Variants in ZNF475 observed in about 807,000 individuals in gnomAD.
ZNF475 encodes the protein zinc finger protein 475.
the ZNF475 span, among the ~76,000 whole-genome samples, chr5:122,168,583 G>A: frequency 3.9e-5 from 6 of 152,286 alleles, no homozygotes; most frequent in South Asian, 6.2e-4. Context: ...CATGGCGGCC[G>A]GCGCCTGTAG....
the ZNF475 span, among the ~76,000 whole-genome samples, chr5:122,165,846 A>G: frequency 6.6e-6 from 1 of 152,132 alleles, no homozygotes; most frequent in African/African-American, 2.4e-5. Flanking sequence ...TGGGAGAAGG[A>G]CACAGGCGTT....
At chr5:122,174,528 T>G in the ZNF475 span, among the ~76,000 whole-genome samples, 1 of 152,224 alleles carries the variant, frequency 6.6e-6, no homozygotes, top group Non-Finnish European at 1.5e-5. Context: ...CAACTGAAGT[T>G]CAACCACAAA....
At chr5:122,182,285 G>A in the ZNF475 span, among the ~76,000 whole-genome samples, 17 of 152,220 alleles carry the variant, frequency 1.1e-4, no homozygotes, top group East Asian at 7.7e-4. Context: ...TTGAAAGAGC[G>A]AGCAGCCCTT....
At chr5:122,167,010 T>C in the ZNF475 span, among the ~76,000 whole-genome samples, 1 of 152,250 alleles carries the variant, frequency 6.6e-6, no homozygotes, top group Admixed American at 6.5e-5. Context: ...GCCTATGTCC[T>C]AAATGGTATT....
the ZNF475 span, among the ~76,000 whole-genome samples, chr5:122,176,337 C>G: frequency 6.6e-6 from 1 of 151,998 alleles, no homozygotes; most frequent in African/African-American, 2.4e-5. Context: ...TAAATGAATA[C>G]TGAATTTGCA....
At chr5:122,164,776 A>G in the ZNF475 span, among the ~76,000 whole-genome samples, 1 of 152,152 alleles carries the variant, frequency 6.6e-6, no homozygotes, top group Non-Finnish European at 1.5e-5. Flanking sequence ...GAGTTCAAAC[A>G]TGTTAGAGGG....
the ZNF475 span, among the ~76,000 whole-genome samples, chr5:122,172,636 G>A: frequency 1.3e-5 from 2 of 152,208 alleles, no homozygotes; most frequent in African/African-American, 2.4e-5. Context: ...ATGAGGTGAT[G>A]CTTGGATCAC....
the ZNF475 span, chr5:122,179,995 C>A: frequency 3.9e-6 from 1 of 256,874 alleles, no homozygotes; most frequent in Non-Finnish European, 7.3e-6. Flanking sequence ...CCAAAAGTTT[C>A]TTTCATACAT....
the ZNF475 span, among the ~76,000 whole-genome samples, chr5:122,166,674 T>C: frequency 6.6e-6 from 1 of 152,240 alleles, no homozygotes; most frequent in Non-Finnish European, 1.5e-5. Flanking sequence ...GAACTCATAC[T>C]TTTTTATGGC....
At chr5:122,164,031 T>G in the ZNF475 span, among the ~76,000 whole-genome samples, 1 of 152,178 alleles carries the variant, frequency 6.6e-6, no homozygotes, top group East Asian at 1.9e-4. Context: ...ACTCAGTCTT[T>G]CGAGTGAAAA....
chr5:122,171,894 A>G, the ZNF475 span, among the ~76,000 whole-genome samples: 2 of 152,060 alleles, frequency 1.3e-5, no homozygotes, highest in Non-Finnish European at 2.9e-5. Context: ...ACGTGCTACC[A>G]TGCCCAGCTA....
chr5:122,178,635 G>A, the ZNF475 span, among the ~76,000 whole-genome samples: 1 of 152,098 alleles, frequency 6.6e-6, no homozygotes, highest in East Asian at 1.9e-4. Flanking sequence ...CTGGATATTA[G>A]CCCTTTGTCA....
chr5:122,181,794 T>C, the ZNF475 span, among the ~76,000 whole-genome samples: 1 of 152,236 alleles, frequency 6.6e-6, no homozygotes, highest in African/African-American at 2.4e-5. Flanking sequence ...ACATTGTTTC[T>C]CTAAAATAAA....
the ZNF475 span, among the ~76,000 whole-genome samples, chr5:122,181,760 TA>T: frequency 6.6e-6 from 1 of 152,214 alleles, no homozygotes; most frequent in Non-Finnish European, 1.5e-5. Context: ...CTATTTTAAC[TA>T]AGGTTTATTA....
At chr5:122,169,339 G>A in the ZNF475 span, among the ~76,000 whole-genome samples, 21 of 152,108 alleles carry the variant, frequency 1.4e-4, no homozygotes, top group African/African-American at 4.8e-4. Context: ...CCCATATCAT[G>A]ACACTTACAC....
chr5:122,164,186 A>C, the ZNF475 span, among the ~76,000 whole-genome samples: 1 of 152,112 alleles, frequency 6.6e-6, no homozygotes, highest in Non-Finnish European at 1.5e-5. Context: ...ATGAGTGAGG[A>C]GAGGGATTAG....
the ZNF475 span, chr5:122,162,245 C>CAAGTAA: frequency 2.6e-5 from 4 of 152,154 alleles, no homozygotes; most frequent in Non-Finnish European, 5.9e-5. Flanking sequence ...AAAGAAAACT[C>CAAGTAA]CAAATCACAA....
chr5:122,161,672 C>G, the ZNF475 span, among the ~76,000 whole-genome samples: 1 of 152,062 alleles, frequency 6.6e-6, no homozygotes, highest in Non-Finnish European at 1.5e-5. Context: ...ATTATATGCA[C>G]TGGACAAATT....
At chr5:122,160,444 A>G in the ZNF475 span, among the ~76,000 whole-genome samples, 1 of 152,228 alleles carries the variant, frequency 6.6e-6, no homozygotes, top group African/African-American at 2.4e-5. Flanking sequence ...TTTAAAGGAT[A>G]ATACTCACCT....
Sources: gnomAD v4.1 joint callset for allele counts (sites outside exome capture counted in the v4.1 genomes callset) on GRCh38, gnomAD v4.1.1 for gene constraint, MANE v1.5 for transcripts, NCBI Gene and HGNC (gene_info 2026-07-23, HGNC 2026-07-21) for gene names.